PHACTR1: variants seen among roughly 807,000 people sequenced by gnomAD.
PHACTR1 encodes phosphatase and actin regulator 1.
PHACTR1 carries 16 observed loss-of-function variants against 69.2 expected under a neutral mutation model. The observed-to-expected ratio is 0.23, with a 90% CI of 0.16 to 0.35. The LOEUF (loss-of-function observed/expected upper bound fraction) is 0.35, where lower values mean the gene tolerates loss of function less well. PHACTR1 is among the 10% of genes least tolerant of loss of function. The pLI, the probability that PHACTR1 is intolerant of heterozygous loss-of-function variation, is 1.00. For missense variants in PHACTR1, 510 were observed against 734.7 expected, an observed-to-expected ratio of 0.69 and a Z score of 3.54; for synonymous variants, 312 against 284.5, an observed-to-expected ratio of 1.10 and a Z score of -0.97.
chr6:12,886,077 A>G (rs1783604418), intron 4 of PHACTR1, among the ~76,000 whole-genome samples: 1 of 152,204 alleles, frequency 6.6e-6, no homozygotes, highest in African/African-American at 2.4e-5. Flanking sequence ...CGTGGGTGAC[A>G]GGGTGAGACT....
At chr6:12,885,487 G>A (rs986349161) in intron 4 of PHACTR1, among the ~76,000 whole-genome samples, 1 of 152,210 alleles carries the variant, frequency 6.6e-6, no homozygotes, top group African/African-American at 2.4e-5. Context: ...GATGTTTGAG[G>A]CTTTGGCTAT....
At chr6:13,079,999 C>T (rs1181097965) in intron 5 of PHACTR1, among the ~76,000 whole-genome samples, 1 of 152,150 alleles carries the variant, frequency 6.6e-6, no homozygotes, top group African/African-American at 2.4e-5. Flanking sequence ...TAACCAGTCT[C>T]CCTTGATGTC....
intron 5 of PHACTR1, among the ~76,000 whole-genome samples, chr6:13,068,313 C>T (rs892827069): frequency 1.3e-5 from 2 of 152,024 alleles, no homozygotes; most frequent in African/African-American, 4.8e-5. Flanking sequence ...TGAGACTCCA[C>T]CTCAAAAACA....
intron 4 of PHACTR1, among the ~76,000 whole-genome samples, chr6:12,882,159 A>G (rs1451148608): frequency 6.6e-6 from 1 of 152,172 alleles, no homozygotes; most frequent in East Asian, 1.9e-4. Context: ...CTACCCACCT[A>G]TTGCCCATTG....
At chr6:12,845,425 A>AAACCCCCCC (rs1561938718) in intron 4 of PHACTR1, among the ~76,000 whole-genome samples, 1 of 14,810 alleles carries the variant, frequency 6.8e-5, no homozygotes, top group Non-Finnish European at 1.2e-4. Flanking sequence ...TGTGAACACC[A>AAACCCCCCC]CCCACCCCCC....
intron 10 of PHACTR1, among the ~76,000 whole-genome samples, chr6:13,250,720 C>T (rs1774266923): frequency 6.6e-6 from 1 of 152,154 alleles, no homozygotes; most frequent in Non-Finnish European, 1.5e-5. Flanking sequence ...CCAAGTCCTG[C>T]AGGAAAAGGT....
At chr6:13,263,890 A>G (rs947673475) in intron 10 of PHACTR1, among the ~76,000 whole-genome samples, 5 of 152,322 alleles carry the variant, frequency 3.3e-5, no homozygotes, top group African/African-American at 1.2e-4. Flanking sequence ...TATGTTAACC[A>G]GTACTTAAGA....
chr6:13,272,928 G>A lies in PHACTR1; in HGVS notation c.1447+13G>A. 1 of 1,613,720 alleles carries A rather than the reference G, an allele frequency of 6.2e-7. No homozygotes were observed. The highest frequency in any genetic ancestry group is 8.5e-7 in the Non-Finnish European group (1 of 1,179,778). The stretch of plus-strand genomic sequence containing the variant: ...AACATTTTGAAACGTAAGTGACTAA[G>A]CCCATGGCAATCCCTGATGTTTTGT... On this transcript the variant is annotated intron_variant, in intron 11 of 14. Coordinates refer to ENST00000332995, the MANE Select transcript of PHACTR1 (RefSeq NM_030948.6).
At chr6:12,855,877 T>TA (rs1780301451) in intron 4 of PHACTR1, among the ~76,000 whole-genome samples, 1 of 152,228 alleles carries the variant, frequency 6.6e-6, no homozygotes, top group Non-Finnish European at 1.5e-5. Context: ...TACCTGAGAA[T>TA]AAAAACATTA....
chr6:12,995,137 CA>C (rs1034049702), intron 4 of PHACTR1, among the ~76,000 whole-genome samples: 1 of 151,538 alleles, frequency 6.6e-6, no homozygotes, highest in Non-Finnish European at 1.5e-5. Context: ...GAACTGAAAG[CA>C]AACCTAAGTA....
At chr6:13,020,225 G>T (rs973630233) in intron 4 of PHACTR1, among the ~76,000 whole-genome samples, 1 of 152,170 alleles carries the variant, frequency 6.6e-6, no homozygotes, top group Admixed American at 6.5e-5. Flanking sequence ...TTTCAGCCCA[G>T]GGGAAAAAAT....
chr6:13,006,744 T>C (rs1798848988), intron 4 of PHACTR1, among the ~76,000 whole-genome samples: 1 of 152,152 alleles, frequency 6.6e-6, no homozygotes, highest in African/African-American at 2.4e-5. Flanking sequence ...AACTCCCAAA[T>C]TTCAGCAGCA....
chr6:13,225,163 C>T (rs1584053670), intron 8 of PHACTR1, among the ~76,000 whole-genome samples: 1 of 152,220 alleles, frequency 6.6e-6, no homozygotes, highest in East Asian at 1.9e-4. Context: ...CATTTGTCTT[C>T]TTCTCAGGAC....
chr6:12,951,188 T>G (rs1373923725), intron 4 of PHACTR1, among the ~76,000 whole-genome samples: 1 of 152,194 alleles, frequency 6.6e-6, no homozygotes, highest in Non-Finnish European at 1.5e-5. Flanking sequence ...AGGCCTCTGA[T>G]CTCATTCCTG....
chr6:13,162,836 G>A (rs1034905474), intron 6 of PHACTR1, among the ~76,000 whole-genome samples: 4 of 152,068 alleles, frequency 2.6e-5, no homozygotes, highest in African/African-American at 9.7e-5. Flanking sequence ...CAGACTGTTG[G>A]TGCCCCAAGT....
intron 4 of PHACTR1, among the ~76,000 whole-genome samples, chr6:12,956,875 C>T (rs1405127227): frequency 1.3e-5 from 2 of 152,116 alleles, no homozygotes; most frequent in Admixed American, 6.5e-5. Context: ...AAAAGAAAAT[C>T]AGGAAAGCTG....
intron 6 of PHACTR1, among the ~76,000 whole-genome samples, chr6:13,162,283 G>GTTTA (rs1759154185): frequency 6.6e-6 from 1 of 151,256 alleles, no homozygotes; most frequent in Admixed American, 6.6e-5. Flanking sequence ...TTTTTTGTTT[G>GTTTA]TTTGTTTGTT....
chr6:13,032,684 A>G (rs1256452781), intron 4 of PHACTR1, among the ~76,000 whole-genome samples: 1 of 152,010 alleles, frequency 6.6e-6, no homozygotes, highest in African/African-American at 2.4e-5. Context: ...TGGCACGAAC[A>G]TAGCTCACTG....
chr6:12,847,092 TAGG>T (rs1484411372), intron 4 of PHACTR1, among the ~76,000 whole-genome samples: 1 of 152,204 alleles, frequency 6.6e-6, no homozygotes, highest in Non-Finnish European at 1.5e-5. Flanking sequence ...GCTGGGATTA[TAGG>T]CGTGAGCCAC....
Sources: allele counts gnomAD v4.1 joint callset (sites outside exome capture counted in the v4.1 genomes callset), GRCh38; gene constraint gnomAD v4.1.1; transcripts MANE v1.5; gene names NCBI Gene and HGNC (gene_info 2026-07-23, HGNC 2026-07-21).